The following C2orf72 variants were observed in gnomAD, a reference collection of about 807,000 sequenced individuals.
C2orf72 encodes chromosome 2 open reading frame 72.
A neutral mutation model predicts 14.4 loss-of-function variants in C2orf72; 16 were observed. The ratio of observed to expected loss-of-function variants is 1.11; its 90% confidence interval spans 0.75 to 1.69. C2orf72 has a LOEUF of 1.69. Ranked by LOEUF, C2orf72 falls within the 40% of genes most tolerant of loss-of-function variation. The pLI, the probability that C2orf72 is intolerant of heterozygous loss-of-function variation, is 0.00. For synonymous variants in C2orf72, 168 were observed against 176.8 expected (o/e 0.95, Z 0.40); for missense variants, 371 against 358.3 (o/e 1.04, Z -0.29).
Position 231,041,295 on chromosome 2 carries a change from G to T in C2orf72, c.635-1G>T. ...TGACTCAGGTTTTGTGTTCTTCCTA[G>T]TGGAAGGAGCCTGGGAGAGGCCAGG... On this transcript the variant is annotated splice_acceptor_variant, in intron 1 of 2. Transcript: ENST00000373640. LOFTEE classifies it high-confidence loss of function. 6.5e-7 allele frequency: 1 copy of T among 1,547,964 alleles called. No individual in the cohort carries two copies. The highest frequency in any genetic ancestry group is 1.7e-4 in the Middle Eastern group (1 of 5,974).
chr2:231,038,983 C>T (rs1045077706), intron 1 of C2orf72, among the ~76,000 whole-genome samples: 1 of 152,128 alleles, frequency 6.6e-6, no homozygotes, highest in Non-Finnish European at 1.5e-5. Flanking sequence ...GATCTCCTTC[C>T]TCCTGGAACA....
At chr2:231,043,644 G>A (rs1693373099) in intron 2 of C2orf72, among the ~76,000 whole-genome samples, 1 of 152,074 alleles carries the variant, frequency 6.6e-6, no homozygotes, top group South Asian at 2.1e-4. Context: ...GAAACTAAAG[G>A]AGAAAAGATG....
At position 231,047,311 on chromosome 2, in the gene C2orf72, C is replaced by T. The variant is rs1693432031; in HGVS notation, c.*290C>T. On this transcript the variant is annotated 3_prime_UTR_variant, in exon 3 of 3. Transcript: ENST00000373640. Reference sequence around the variant, plus strand: ...AGCCACTGAGACAGATGGCTGTCCGCTTTGAGGCTCTGCAGAGCTGTGGCA... The same window carrying T: ...AGCCACTGAGACAGATGGCTGTCCGTTTTGAGGCTCTGCAGAGCTGTGGCA... The T allele has an allele frequency of 4.2e-6, 2 of 471,588 alleles. No homozygotes were observed. Among genetic ancestry groups the T allele is most frequent in the East Asian group, 9.5e-5 (2 of 21,036 alleles). The allele number at this position is 471,588 out of a possible 1,614,324, so 29.2% of individuals were successfully genotyped here.
chr2:231,045,933 A>G (rs1412876676), intron 2 of C2orf72, among the ~76,000 whole-genome samples: 1 of 152,198 alleles, frequency 6.6e-6, no homozygotes, highest in African/African-American at 2.4e-5. Flanking sequence ...CTTCATCAAT[A>G]ACATACTATA....
chr2:231,046,717 A>G (rs937028246), intron 2 of C2orf72, among the ~76,000 whole-genome samples, 165 bp from the exon 3 acceptor site: 1 of 152,180 alleles, frequency 6.6e-6, no homozygotes, highest in African/African-American at 2.4e-5. Flanking sequence ...CTAGAAGTGA[A>G]ATTTGTGGGT....
intron 2 of C2orf72, among the ~76,000 whole-genome samples, chr2:231,044,214 C>G (rs1693380623): frequency 6.6e-6 from 1 of 152,268 alleles, no homozygotes; most frequent in South Asian, 2.1e-4. Context: ...ATGGGAAGAC[C>G]TAGGACATTG....
rs988029441 is a variant in C2orf72, at chr2:231,040,713, C to T, written c.635-583C>T. On this transcript the variant is annotated intron_variant, in intron 1 of 2. Transcript: ENST00000373640. ...TTTGGCAGTGCCCTTTTACCCAGTT[C>T]GTGGTACCTAATCCAGCTGCCTTTG... Among the ~76,000 whole-genome samples, 8 of 152,320 alleles carry T rather than the reference C, an allele frequency of 5.3e-5. No individual in the cohort carries two copies. The East Asian group carries it at 7.7e-4, about 15-fold the overall frequency.
chr2:231,040,652 C>T (rs12623878), intron 1 of C2orf72, among the ~76,000 whole-genome samples: 5,796 of 152,258 alleles, frequency 0.038, 142 homozygotes, highest in East Asian at 0.14. Context: ...CTTTCCTCAC[C>T]GTCTGATGAT....
intron 2 of C2orf72, among the ~76,000 whole-genome samples, chr2:231,045,668 G>A (rs555180089): frequency 1.5e-4 from 23 of 151,936 alleles, no homozygotes; most frequent in African/African-American, 5.3e-4. Context: ...ACAGGCTCCC[G>A]CCACCACGCC....
At chr2:231,042,784 G>A (rs1235161701) in intron 2 of C2orf72, among the ~76,000 whole-genome samples, 1 of 152,172 alleles carries the variant, frequency 6.6e-6, no homozygotes, top group Non-Finnish European at 1.5e-5. Flanking sequence ...GTGGGCAGAT[G>A]ACCTGAGGTC....
chr2:231,038,861 TC>T (rs1384941670), intron 1 of C2orf72, among the ~76,000 whole-genome samples: 2 of 151,898 alleles, frequency 1.3e-5, no homozygotes, highest in African/African-American at 4.8e-5. Flanking sequence ...TCCCTCAGCC[TC>T]CCCCAGGTCT....
At chr2:231,040,186 C>T (rs560034306) in intron 1 of C2orf72, among the ~76,000 whole-genome samples, 21 of 152,304 alleles carry the variant, frequency 1.4e-4, no homozygotes, top group African/African-American at 5.1e-4. Context: ...CTTCCCTGCT[C>T]CCACTTGCAA....
intron 2 of C2orf72, among the ~76,000 whole-genome samples, chr2:231,045,979 A>G (rs1283421707): frequency 1.3e-5 from 2 of 152,232 alleles, no homozygotes; most frequent in East Asian, 1.9e-4. Flanking sequence ...TGTCAACAAC[A>G]TATTTTCTTT....
chr2:231,038,756 C>T (rs1292881188), intron 1 of C2orf72, among the ~76,000 whole-genome samples: 1 of 152,036 alleles, frequency 6.6e-6, no homozygotes, highest in Non-Finnish European at 1.5e-5. Context: ...GGAATGGGTG[C>T]TCGGGACTTG....
At chr2:231,042,254 G>A (rs1693353807) in intron 2 of C2orf72, among the ~76,000 whole-genome samples, 1 of 152,158 alleles carries the variant, frequency 6.6e-6, no homozygotes, top group Non-Finnish European at 1.5e-5. Flanking sequence ...AGAGAGATAG[G>A]AAGCGCACTG....
Position 231,047,077 on chromosome 2 carries a change from G to T in C2orf72, c.*56G>T. 1 of 1,548,410 alleles carries T rather than the reference G, an allele frequency of 6.5e-7. No homozygotes were observed. ...AACCTACAGACTGGGGCCTGGCTCC[G>T]TCTTACTGGCCCCCAGGTCTCCATG... On this transcript the variant is annotated 3_prime_UTR_variant, in exon 3 of 3. Coordinates refer to ENST00000373640, the MANE Select transcript of C2orf72 (RefSeq NM_001144994.2).
chr2:231,038,444 G>T (rs1194696838), intron 1 of C2orf72, among the ~76,000 whole-genome samples: 1 of 144,672 alleles, frequency 6.9e-6, no homozygotes, highest in Non-Finnish European at 1.5e-5. Context: ...CTGAGGGGCC[G>T]AGTAGAAGGC....
chr2:231,044,933 G>GTA (rs1225440190), intron 2 of C2orf72, among the ~76,000 whole-genome samples: 4 of 116,578 alleles, frequency 3.4e-5, no homozygotes, highest in Non-Finnish European at 5.1e-5. Context: ...ACGTGTGTGT[G>GTA]TATATATATC....
intron 1 of C2orf72, among the ~76,000 whole-genome samples, chr2:231,038,535 A>G (rs1693292270): frequency 6.7e-6 from 1 of 150,018 alleles, no homozygotes; most frequent in Non-Finnish European, 1.5e-5. Flanking sequence ...GTGGGGAGAG[A>G]AGAGGAGTGG....
Sources: allele counts gnomAD v4.1 joint callset (sites outside exome capture counted in the v4.1 genomes callset), GRCh38; gene constraint gnomAD v4.1.1; transcripts MANE v1.5; gene names NCBI Gene and HGNC (gene_info 2026-07-23, HGNC 2026-07-21).